PCDHA3: variants seen among roughly 807,000 people sequenced by gnomAD.
PCDHA3 encodes the protein protocadherin alpha 3, also known as protocadherin alpha-3.
In PCDHA3, 41 loss-of-function variants were observed where a neutral mutation model predicts 62.2. The observed-to-expected ratio is 0.66, with a 90% CI of 0.51 to 0.86. PCDHA3 has a LOEUF of 0.86. Among genes scored for constraint, PCDHA3 ranks in the 40% least tolerant of loss-of-function variants. PCDHA3 has a pLI of 0.00. For synonymous variants in PCDHA3, 640 were observed against 555.4 expected (o/e 1.15, Z -2.14); for missense variants, 1,304 against 1,241.2 (o/e 1.05, Z -0.76).
rs2150334321 is a variant in PCDHA3, at chr5:140,842,332, A to G, written c.2394+38741A>G. ...CCATGGCGGGTCATTGCACCGTTTT[A>G]GTGAGAATTTTGGATAAAAATGATA... On this transcript the variant is annotated intron_variant, in intron 1 of 3. Transcript: ENST00000522353. 1.7e-5 allele frequency: 28 copies of G among 1,607,160 alleles called. No homozygotes were observed. In the East Asian group the frequency reaches 4.0e-4, roughly 23 times the overall value.
chr5:140,928,426 T>G (rs1563104997), intron 1 of PCDHA3: 2 of 1,614,134 alleles, frequency 1.2e-6, no homozygotes, highest in Non-Finnish European at 1.7e-6. Context: ...TGCCAAAACT[T>G]CCTTTGACTT....
Position 140,802,430 on chromosome 5 carries a change from C to A in PCDHA3, c.1233C>A (p.Ser411Arg), listed in dbSNP as rs1047484049. Reference protein sequence around the residue: ...FKNYYSLVLDSPLDRESVSAY... With the variant: ...FKNYYSLVLDRPLDRESVSAY... ...ATTACTACTCATTGGTGCTGGACAG[C>A]CCTCTGGACCGCGAGAGCGTGTCGG... is the stretch of plus-strand genomic sequence containing the variant. Residue 411 changes from serine (S) to arginine (R), a missense_variant, in exon 1 of 4, where the codon AGC becomes AGA. Ser to Arg is a moderately radical substitution (Grantham distance 110). Transcript: ENST00000522353. 3 of 1,614,204 alleles carry A rather than the reference C, an allele frequency of 1.9e-6. No homozygotes were observed. The highest frequency in any genetic ancestry group is 2.5e-6 in the Non-Finnish European group (3 of 1,180,032).
chr5:140,969,148 G>T, intron 1 of PCDHA3: 1 of 1,614,102 alleles, frequency 6.2e-7, no homozygotes. Flanking sequence ...ACTGCTACAA[G>T]GCCTGTCTGA....
chr5:140,993,270 G>A (rs190721014), intron 3 of PCDHA3, among the ~76,000 whole-genome samples: 360 of 151,912 alleles, frequency 2.4e-3, no homozygotes, highest in African/African-American at 8.3e-3. Context: ...AGCTTCTTTG[G>A]TCTTTTCTTG....
chr5:140,843,692 T>C, intron 1 of PCDHA3: 2 of 1,586,786 alleles, frequency 1.3e-6, no homozygotes, highest in South Asian at 2.2e-5. Flanking sequence ...AGAGCAAGAT[T>C]TAAATGTTGA....
Position 140,927,111 on chromosome 5 carries a change from C to T in PCDHA3, c.2395-51838C>T. Reference sequence around the variant, plus strand: ...ACTTCGGGGTGGATCTACCCAGCGGCAATTTGGTGGTCAGAGAGCCGGCGG... The same window carrying T: ...ACTTCGGGGTGGATCTACCCAGCGGTAATTTGGTGGTCAGAGAGCCGGCGG... On this transcript the variant is annotated intron_variant, in intron 1 of 3. Transcript: ENST00000522353. The T allele has an allele frequency of 3.7e-6, 6 of 1,613,856 alleles. No individual in the cohort carries two copies. In the Middle Eastern group the frequency reaches 8.3e-4, roughly 222 times the overall value.
At chr5:140,848,870 C>T (rs2040645245) in intron 1 of PCDHA3, 1 of 1,590,634 alleles carries the variant, frequency 6.3e-7, no homozygotes, top group African/African-American at 1.4e-5. Flanking sequence ...AGGTGAAGGA[C>T]ATTAACGACA....
intron 1 of PCDHA3, chr5:140,871,068 G>GC (rs782196824): frequency 1.2e-6 from 2 of 1,613,112 alleles, no homozygotes; most frequent in African/African-American, 2.7e-5. Flanking sequence ...ATCACGGTGA[G>GC]CCGGCGCTGA....
chr5:140,967,334 A>T, intron 1 of PCDHA3: 1 of 1,608,228 alleles, frequency 6.2e-7, no homozygotes, highest in South Asian at 1.1e-5. Flanking sequence ...GCTCAGCCCC[A>T]GCGAGCACTT....
chr5:140,824,329 A>T (rs1581809489), intron 1 of PCDHA3: 1 of 658,076 alleles, frequency 1.5e-6, no homozygotes, highest in African/African-American at 1.8e-5. Context: ...TTTCTGTGAT[A>T]TTAAGTGTTT....
At chr5:140,871,415 T>C in intron 1 of PCDHA3, 1 of 1,613,926 alleles carries the variant, frequency 6.2e-7, no homozygotes, top group Non-Finnish European at 8.5e-7. Context: ...CTCATGGCCT[T>C]CAGCCCCAGT....
intron 1 of PCDHA3, among the ~76,000 whole-genome samples, chr5:140,838,075 A>AGTGTGTGTG (rs781914509): frequency 7.8e-6 from 1 of 128,134 alleles, no homozygotes; most frequent in Admixed American, 8.1e-5. Flanking sequence ...TTATATATAT[A>AGTGTGTGTG]TAGTGTGTGT....
chr5:140,886,422 T>G (rs930235903), intron 1 of PCDHA3, among the ~76,000 whole-genome samples: 1 of 152,240 alleles, frequency 6.6e-6, no homozygotes, highest in Non-Finnish European at 1.5e-5. Flanking sequence ...TCCTATATTA[T>G]TTCTATTCAT....
intron 1 of PCDHA3, chr5:140,828,454 G>A (rs146288766): frequency 6.2e-7 from 1 of 1,614,124 alleles, no homozygotes; most frequent in African/African-American, 1.3e-5. Context: ...ATGTGGACGT[G>A]GAGGTGAGGG....
At position 140,987,235 on chromosome 5, in the gene PCDHA3, T is replaced by G. The variant is rs189203030; in HGVS notation, c.2542+4672T>G. Among the ~76,000 whole-genome samples, 565 of 151,370 alleles carry G rather than the reference T, an allele frequency of 3.7e-3. 4 individuals are homozygous for G. The highest frequency in any genetic ancestry group is 0.013 in the African/African-American group (539 of 41,236). On this transcript the variant is annotated intron_variant, in intron 3 of 3. Transcript: ENST00000522353. Reference sequence around the variant, plus strand: ...TCTCAAAAAAAAAAAAAATAATAAATAAAGAAAGAAAGACATTCTCAGGAA... The same window carrying G: ...TCTCAAAAAAAAAAAAAATAATAAAGAAAGAAAGAAAGACATTCTCAGGAA...
In PCDHA3 at chr5:141,011,249, G is replaced by A. The variant is rs1159894108; in HGVS notation, c.*1312G>A. The A allele has an allele frequency of 6.5e-6, 1 of 153,682 alleles. No homozygotes were observed. The highest frequency in any genetic ancestry group is 1.5e-5 in the Non-Finnish European group (1 of 68,038). The allele number at this position is 153,682 out of a possible 1,614,324, so 9.5% of individuals were successfully genotyped here. On this transcript the variant is annotated 3_prime_UTR_variant, in exon 4 of 4. Coordinates refer to ENST00000522353, the MANE Select transcript of PCDHA3 (RefSeq NM_018906.3). ...TACTAATTCTGTGACTTGTCTTGGT[G>A]TGCTAGCCTACACCTTCTCTTTGGT... is the stretch of plus-strand genomic sequence containing the variant.
chr5:140,993,463 CACA>C (rs1563592017), intron 3 of PCDHA3, among the ~76,000 whole-genome samples: 29 of 7,582 alleles, frequency 3.8e-3, no homozygotes, highest in African/African-American at 0.016. Flanking sequence ...CTTTCTTTCT[CACA>C]CACACACACA....
chr5:140,871,272 G>C lies in PCDHA3; in HGVS notation c.2394+67681G>C, dbSNP rs782818690. Reference sequence around the variant, plus strand: ...TGCTGTATACGGCGCTGTGGTGGTCGGCAACGCCCACTGAGGGCGCGTGCG... The same window carrying C: ...TGCTGTATACGGCGCTGTGGTGGTCCGCAACGCCCACTGAGGGCGCGTGCG... On this transcript the variant is annotated intron_variant, in intron 1 of 3. Coordinates refer to ENST00000522353, the MANE Select transcript of PCDHA3 (RefSeq NM_018906.3). 25 of 1,613,826 alleles carry C rather than the reference G, an allele frequency of 1.5e-5. No individual in the cohort carries two copies. The East Asian group carries it at 5.1e-4, about 33-fold the overall frequency.
rs370831122 is a variant in PCDHA3, at chr5:140,966,962, G to C, written c.2395-11987G>C. On this transcript the variant is annotated intron_variant, in intron 1 of 3. Transcript: ENST00000522353. ...CGTGGGCAACGTGGCTCGCGCGCTG[G>C]GGCTTGAGCTGCGGCGCTTGGGGCC... The C allele has an allele frequency of 1.3e-5, 21 of 1,602,632 alleles. No individual in the cohort carries two copies. Among genetic ancestry groups the C allele is most frequent in the Admixed American group, 3.3e-5 (2 of 59,750 alleles).
Sources: gnomAD v4.1 joint callset for allele counts (sites outside exome capture counted in the v4.1 genomes callset) on GRCh38, gnomAD v4.1.1 for gene constraint, MANE v1.5 for transcripts, NCBI Gene and HGNC (gene_info 2026-07-23, HGNC 2026-07-21) for gene names.